OLFM3: variants seen among roughly 807,000 people sequenced by gnomAD.
OLFM3 encodes noelin-3.
OLFM3 carries 20 observed loss-of-function variants against 48.6 expected under a neutral mutation model. That is an observed-to-expected ratio of 0.41 (90% confidence interval 0.29 to 0.60). The LOEUF (loss-of-function observed/expected upper bound fraction) is 0.60, where lower values mean the gene tolerates loss of function less well. Among genes scored for constraint, OLFM3 ranks in the 20% least tolerant of loss-of-function variants. The pLI, the probability that OLFM3 is intolerant of heterozygous loss-of-function variation, is 0.28. For synonymous variants in OLFM3, 222 were observed against 198.1 expected, an observed-to-expected ratio of 1.12 and a Z score of -1.01; for missense variants, 437 against 544.3, an observed-to-expected ratio of 0.80 and a Z score of 1.96.
chr1:101,887,396 C>T (rs1448214330), intron 1 of OLFM3, among the ~76,000 whole-genome samples: 1 of 151,520 alleles, frequency 6.6e-6, no homozygotes, highest in Admixed American at 6.6e-5. Context: ...TATGGAAATG[C>T]AATTTATGGA....
intron 1 of OLFM3, among the ~76,000 whole-genome samples, chr1:101,925,797 T>A (rs926512972): frequency 1.3e-5 from 2 of 152,096 alleles, no homozygotes; most frequent in Non-Finnish European, 2.9e-5. Flanking sequence ...CACAAAGTGC[T>A]AAGATTACAG....
chr1:101,830,759 T>A lies in OLFM3; in HGVS notation c.285A>T (p.Leu95Phe), dbSNP rs1419634004. 1.2e-6 allele frequency: 2 copies of A among 1,614,062 alleles called. No homozygotes were observed. The highest frequency in any genetic ancestry group is 3.3e-5 in the Admixed American group (2 of 60,026). ...GCCCTTTCATTTGGGTTTCCATTTT[T>A]AAAACATATTGGAAATCTCTCTGAG... ...LRTQRDFQYV[L>F]KMETQMKGLK... is the part of the protein sequence containing the mutation. Residue 95 changes from leucine (L) to phenylalanine (F), a missense_variant, in exon 3 of 6, where the codon TTA (leucine) becomes TTT (phenylalanine). Transcript: ENST00000370103.
chr1:101,885,374 C>T (rs776904390), intron 1 of OLFM3, among the ~76,000 whole-genome samples: 13 of 151,882 alleles, frequency 8.6e-5, no homozygotes, highest in Admixed American at 6.6e-4. Flanking sequence ...TTCTATGATA[C>T]GAGCACTGAA....
chr1:101,921,217 AC>A (rs1659084498), intron 1 of OLFM3, among the ~76,000 whole-genome samples: 1 of 151,960 alleles, frequency 6.6e-6, no homozygotes. Flanking sequence ...ACACACACAC[AC>A]ACACACACAC....
intron 1 of OLFM3, among the ~76,000 whole-genome samples, chr1:101,844,110 G>A (rs1655868765): frequency 2.0e-5 from 3 of 152,128 alleles, no homozygotes; most frequent in Admixed American, 2.0e-4. Context: ...GCAGCAGTAA[G>A]GGTCCCTTGG....
chr1:101,838,446 A>G (rs1655544074), intron 1 of OLFM3, among the ~76,000 whole-genome samples: 1 of 152,222 alleles, frequency 6.6e-6, no homozygotes, highest in South Asian at 2.1e-4. Context: ...TTTTTATGAA[A>G]TCATTTTTCA....
At chr1:101,881,952 T>G (rs1657544711) in intron 1 of OLFM3, among the ~76,000 whole-genome samples, 2 of 151,944 alleles carry the variant, frequency 1.3e-5, no homozygotes, top group African/African-American at 4.8e-5. Context: ...TCATGTACTT[T>G]GTATTAATAT....
intron 1 of OLFM3, among the ~76,000 whole-genome samples, chr1:101,879,369 T>A (rs1412690259): frequency 6.6e-6 from 1 of 151,900 alleles, no homozygotes; most frequent in Non-Finnish European, 1.5e-5. Flanking sequence ...AATGAGAAAT[T>A]ATTCCTTACA....
chr1:101,827,128 A>G (rs1485430052), intron 3 of OLFM3, among the ~76,000 whole-genome samples: 1 of 152,190 alleles, frequency 6.6e-6, no homozygotes, highest in Non-Finnish European at 1.5e-5. Flanking sequence ...AATCTCTTCT[A>G]GAATCTCACT....
At chr1:101,890,753 G>A (rs1338186781) in intron 1 of OLFM3, among the ~76,000 whole-genome samples, 1 of 151,852 alleles carries the variant, frequency 6.6e-6, no homozygotes, top group Non-Finnish European at 1.5e-5. Context: ...TGAATATCCT[G>A]AATTCTAAAA....
intron 1 of OLFM3, among the ~76,000 whole-genome samples, chr1:101,884,947 A>C (rs563560045): frequency 3.3e-5 from 5 of 152,176 alleles, no homozygotes; most frequent in Admixed American, 1.3e-4. Flanking sequence ...TATAAGGCTC[A>C]TTACACATGT....
At chr1:101,968,242 G>T (rs1408227746) in intron 1 of OLFM3, among the ~76,000 whole-genome samples, 1 of 152,066 alleles carries the variant, frequency 6.6e-6, no homozygotes, top group Admixed American at 6.5e-5. Context: ...GATGCATTTG[G>T]CACTAGTTTG....
At position 101,847,184 on chromosome 1, in the gene OLFM3, G is replaced by A. The variant is rs111459034; in HGVS notation, c.70-10159C>T. On this transcript the variant is annotated intron_variant, in intron 1 of 5. Transcript: ENST00000370103. ...TTTTTCCTCCCTTACCAGACATTTT[G>A]CTGGATCATCAAACAAAATATTCTT... 1.5e-3 allele frequency: 597 copies of A among 395,800 alleles called. 2 individuals are homozygous for A. The highest frequency in any genetic ancestry group is 0.012 in the African/African-American group (558 of 45,984). The allele number at this position is 395,800 out of a possible 1,614,324, so 24.5% of individuals were successfully genotyped here.
At chr1:101,856,282 A>G (rs1656405832) in intron 1 of OLFM3, among the ~76,000 whole-genome samples, 2 of 152,016 alleles carry the variant, frequency 1.3e-5, no homozygotes, top group Non-Finnish European at 2.9e-5. Flanking sequence ...AGAGTTATAC[A>G]GTTTTATGAG....
chr1:101,849,459 C>T (rs538275217), intron 1 of OLFM3, among the ~76,000 whole-genome samples: 1 of 152,276 alleles, frequency 6.6e-6, no homozygotes, highest in Non-Finnish European at 1.5e-5. Context: ...GTGACCAGCT[C>T]AGGGCTTCAG....
chr1:101,933,114 A>C (rs1659502787), intron 1 of OLFM3, among the ~76,000 whole-genome samples: 1 of 144,806 alleles, frequency 6.9e-6, no homozygotes, highest in South Asian at 2.4e-4. Context: ...AGGCAGGAGA[A>C]TGGCATGAAC....
chr1:101,843,036 A>G (rs1655806242), intron 1 of OLFM3, among the ~76,000 whole-genome samples: 2 of 152,214 alleles, frequency 1.3e-5, no homozygotes, highest in African/African-American at 2.4e-5. Flanking sequence ...ACAGTCATAT[A>G]CAAATCAGTT....
intron 1 of OLFM3, among the ~76,000 whole-genome samples, chr1:101,979,363 CT>C (rs1661042837): frequency 6.6e-6 from 1 of 152,096 alleles, no homozygotes; most frequent in Admixed American, 6.5e-5. Flanking sequence ...ATTGTAATTC[CT>C]ATAATCCCCA....
intron 1 of OLFM3, among the ~76,000 whole-genome samples, chr1:101,889,072 A>G (rs572325656): frequency 2.0e-5 from 3 of 152,328 alleles, no homozygotes; most frequent in African/African-American, 7.2e-5. Context: ...AACTAGTTCA[A>G]CCATTGTGGA....
Sources: gnomAD v4.1 joint callset for allele counts (sites outside exome capture counted in the v4.1 genomes callset) on GRCh38, gnomAD v4.1.1 for gene constraint, MANE v1.5 for transcripts, NCBI Gene and HGNC (gene_info 2026-07-23, HGNC 2026-07-21) for gene names.